TESK2: variants seen among roughly 807,000 people sequenced by gnomAD.
The protein encoded by TESK2 is dual specificity testis-specific protein kinase 2.
TESK2 carries 39 observed loss-of-function variants against 57.1 expected under a neutral mutation model. The ratio of observed to expected loss-of-function variants is 0.68; its 90% CI spans 0.53 to 0.89. TESK2 has a LOEUF of 0.89. Among genes scored for constraint, TESK2 ranks in the 40% least tolerant of loss-of-function variants. The pLI is 0.00. For missense variants in TESK2, 646 were observed against 732.1 expected (o/e 0.88, Z 1.36); for synonymous variants, 249 against 267.9 (o/e 0.93, Z 0.69).
chr1:45,458,525 A>C (rs1652204061), intron 1 of TESK2, among the ~76,000 whole-genome samples: 1 of 151,748 alleles, frequency 6.6e-6, no homozygotes. Flanking sequence ...AGATCGTGCC[A>C]CTGCACTCCA....
At chr1:45,435,864 A>G (rs1651181920) in intron 2 of TESK2, among the ~76,000 whole-genome samples, 1 of 151,908 alleles carries the variant, frequency 6.6e-6, no homozygotes, top group African/African-American at 2.4e-5. Flanking sequence ...CATATATAAT[A>G]TACCATGTTC....
intron 2 of TESK2, among the ~76,000 whole-genome samples, chr1:45,448,885 G>A (rs977510689): frequency 1.9e-4 from 29 of 152,090 alleles, no homozygotes; most frequent in African/African-American, 5.3e-4. Context: ...ATCAAATACT[G>A]ACAAGGATAT....
chr1:45,366,704 A>C (rs1470767509), intron 4 of TESK2, among the ~76,000 whole-genome samples: 1 of 152,216 alleles, frequency 6.6e-6, no homozygotes, highest in Non-Finnish European at 1.5e-5. Context: ...ATTTAAATAA[A>C]TGGAGGTGGG....
intron 4 of TESK2, 77 bp from the exon 5 acceptor site, chr1:45,355,526 C>T: frequency 2.7e-6 from 4 of 1,502,010 alleles, no homozygotes; most frequent in Non-Finnish European, 3.6e-6. Context: ...AGAGAGTAAA[C>T]ACCTGGAAGA....
intron 2 of TESK2, among the ~76,000 whole-genome samples, chr1:45,438,474 C>A (rs1041271301): frequency 6.6e-6 from 1 of 152,104 alleles, no homozygotes; most frequent in African/African-American, 2.4e-5. Context: ...CCAGCCTCAG[C>A]GACAGAGTAA....
chr1:45,449,643 GTTTC>G (rs1651793611), intron 2 of TESK2, among the ~76,000 whole-genome samples: 1 of 152,108 alleles, frequency 6.6e-6, no homozygotes, highest in Non-Finnish European at 1.5e-5. Context: ...ATATCCAGGT[GTTTC>G]TTTAACCACT....
chr1:45,470,440 T>A (rs1358161496), intron 1 of TESK2, among the ~76,000 whole-genome samples: 1 of 152,116 alleles, frequency 6.6e-6, no homozygotes, highest in Admixed American at 6.6e-5. Context: ...AAATAATGAG[T>A]TGCAGTTTCC....
intron 3 of TESK2, among the ~76,000 whole-genome samples, chr1:45,420,185 CCAGCCTGAA>C (rs1650413377): frequency 1.3e-5 from 2 of 152,008 alleles, no homozygotes; most frequent in Non-Finnish European, 2.9e-5. Flanking sequence ...ACCTGTAATC[CCAGCCTGAA>C]CAACACAGTG....
intron 1 of TESK2, among the ~76,000 whole-genome samples, chr1:45,481,136 T>C (rs1392989000): frequency 1.3e-5 from 2 of 151,738 alleles, no homozygotes; most frequent in Admixed American, 6.6e-5. Context: ...GAGGCCGAGG[T>C]GGGCGGATCA....
intron 4 of TESK2, among the ~76,000 whole-genome samples, chr1:45,365,036 C>T (rs1371827530): frequency 2.0e-5 from 3 of 152,196 alleles, no homozygotes; most frequent in Non-Finnish European, 4.4e-5. Flanking sequence ...TACTTTTGTG[C>T]TGGCCACCGT....
chr1:45,485,195 T>C lies in TESK2; in HGVS notation c.-87+5657A>G, dbSNP rs1014024932. Among the ~76,000 whole-genome samples, 6 of 141,150 alleles carry C rather than the reference T, an allele frequency of 4.3e-5. No individual in the cohort carries two copies. The East Asian group carries it at 9.8e-4, about 23-fold the overall frequency. 92.6% of individuals were successfully genotyped at this position (141,150 alleles called of 152,430 possible). ...TTTTCACTGTTTTGTTTTTTGTTTT[T>C]TGTTTTTTTTTGAGATGGAGTCTCG... On this transcript the variant is annotated intron_variant, in intron 1 of 10. Transcript: ENST00000372086.
chr1:45,431,200 C>T (rs1364802432), intron 2 of TESK2, among the ~76,000 whole-genome samples: 3 of 152,112 alleles, frequency 2.0e-5, no homozygotes, highest in South Asian at 2.1e-4. Flanking sequence ...CGGCGGATCA[C>T]GAGGTCAGGA....
chr1:45,482,297 G>T (rs1653258965), intron 1 of TESK2, among the ~76,000 whole-genome samples: 2 of 152,064 alleles, frequency 1.3e-5, no homozygotes, highest in South Asian at 4.1e-4. Flanking sequence ...GAGGCTGAAG[G>T]CAGGAGGATT....
chr1:45,369,802 C>T (rs1648101976), intron 4 of TESK2, among the ~76,000 whole-genome samples: 1 of 151,806 alleles, frequency 6.6e-6, no homozygotes, highest in Non-Finnish European at 1.5e-5. Context: ...ACCTCCACCT[C>T]CTGGGTTCAA....
rs181199503 is a variant in TESK2 at position 45,473,434 on chromosome 1, C to A, written c.-86-15563G>T. On this transcript the variant is annotated intron_variant, in intron 1 of 10. Transcript: ENST00000372086. ...AAACCACAATTACTTTTGCACCAAC[C>A]TAATATGTCACAGAAACCAAAAGTG... Among the ~76,000 whole-genome samples the A allele has an allele frequency of 3.9e-5, 6 of 152,272 alleles. No individual in the cohort carries two copies. In the East Asian group the frequency reaches 7.7e-4, roughly 20 times the overall value.
intron 4 of TESK2, among the ~76,000 whole-genome samples, chr1:45,373,296 CAAG>C (rs1489539938): frequency 6.6e-6 from 1 of 151,970 alleles, no homozygotes; most frequent in African/African-American, 2.4e-5. Context: ...ATAAATGATT[CAAG>C]AATAGTAAAG....
At chr1:45,409,488 G>A (rs1040284101) in intron 3 of TESK2, among the ~76,000 whole-genome samples, 1 of 152,184 alleles carries the variant, frequency 6.6e-6, no homozygotes, top group South Asian at 2.1e-4. Context: ...GGCCTGATAG[G>A]TTAAAGCCCA....
At chr1:45,484,757 C>A (rs960785259) in intron 1 of TESK2, among the ~76,000 whole-genome samples, 8 of 144,556 alleles carry the variant, frequency 5.5e-5, no homozygotes, top group Middle Eastern at 4.1e-3. Flanking sequence ...AAGGGCCGGG[C>A]GCGGTGGCCC....
At chr1:45,358,431 T>C (rs1647536070) in intron 4 of TESK2, among the ~76,000 whole-genome samples, 1 of 152,050 alleles carries the variant, frequency 6.6e-6, no homozygotes, top group South Asian at 2.1e-4. Flanking sequence ...TGAGCCATGA[T>C]TGTGCCACTA....
Sources: allele counts gnomAD v4.1 joint callset (sites outside exome capture counted in the v4.1 genomes callset), GRCh38; gene constraint gnomAD v4.1.1; transcripts MANE v1.5; gene names NCBI Gene and HGNC (gene_info 2026-07-23, HGNC 2026-07-21).